MPP7: variants seen among roughly 807,000 people sequenced by gnomAD.
MPP7 encodes the protein MAGUK p55 subfamily member 7.
A neutral mutation model predicts 76.5 loss-of-function variants in MPP7; 60 were observed. The ratio of observed to expected loss-of-function variants is 0.78; its 90% CI spans 0.64 to 0.97. The LOEUF (loss-of-function observed/expected upper bound fraction) is 0.97. Ranked by LOEUF, MPP7 falls within the 50% of genes least tolerant of loss-of-function variation. The pLI is 0.00. For synonymous variants in MPP7, 237 were observed against 244.5 expected (o/e 0.97, Z 0.29); for missense variants, 641 against 694.0 (o/e 0.92, Z 0.86).
chr10:28,185,045 T>G (rs1212202915), intron 3 of MPP7, among the ~76,000 whole-genome samples: 1 of 147,912 alleles, frequency 6.8e-6, no homozygotes, highest in Admixed American at 6.8e-5. Context: ...AAATATATCA[T>G]TGGCCAGGTA....
intron 2 of MPP7, among the ~76,000 whole-genome samples, chr10:28,215,813 A>G (rs1838291604): frequency 6.6e-6 from 1 of 152,214 alleles, no homozygotes; most frequent in Non-Finnish European, 1.5e-5. Context: ...AAAGCTTACA[A>G]TGATGCCTTG....
intron 3 of MPP7, among the ~76,000 whole-genome samples, chr10:28,182,736 TTA>T (rs1334863677): frequency 1.3e-5 from 2 of 152,222 alleles, no homozygotes; most frequent in Non-Finnish European, 2.9e-5. Flanking sequence ...TTAGACCTAT[TTA>T]TATCACCATA....
At chr10:28,233,422 C>T (rs1458449746) in intron 2 of MPP7, among the ~76,000 whole-genome samples, 3 of 152,122 alleles carry the variant, frequency 2.0e-5, no homozygotes, top group South Asian at 2.1e-4. Flanking sequence ...AGAAACAACA[C>T]TCCGGCCGGG....
chr10:28,156,163 T>C (rs1836054727), intron 3 of MPP7, among the ~76,000 whole-genome samples: 1 of 152,246 alleles, frequency 6.6e-6, no homozygotes, highest in Non-Finnish European at 1.5e-5. Flanking sequence ...CCCTTACTTA[T>C]GCTTAAGCAA....
chr10:28,059,721 G>A lies in MPP7; in HGVS notation c.1227C>T (p.Ser409=). ...TGTATTCAACACCATCACTCTCCTG[G>A]CTTCTTCTTGCTCTGGTGGTATCTA... The part of the protein sequence containing the change: ...TVPHTTRARR[S]QESDGVEYIF... The change falls in exon 14 of 17, where the codon AGC becomes AGT. Residue 409 remains serine, a synonymous_variant. Coordinates refer to ENST00000683449, the MANE Select transcript of MPP7 (RefSeq NM_001318170.2). 1 of 1,612,720 alleles carries A rather than the reference G, an allele frequency of 6.2e-7. No homozygotes were observed. Among genetic ancestry groups the A allele is most frequent in the Non-Finnish European group, 8.5e-7 (1 of 1,179,104 alleles).
intron 6 of MPP7, among the ~76,000 whole-genome samples, chr10:28,126,644 T>C (rs1178188126): frequency 6.6e-6 from 1 of 152,254 alleles, no homozygotes; most frequent in African/African-American, 2.4e-5. Flanking sequence ...ATTCTGTCTA[T>C]GAGTTCATTA....
chr10:28,080,489 C>T (rs919025017), intron 12 of MPP7, among the ~76,000 whole-genome samples: 1 of 152,116 alleles, frequency 6.6e-6, no homozygotes, highest in African/African-American at 2.4e-5. Context: ...AGACTTATCG[C>T]CTTCTAACAA....
intron 1 of MPP7, among the ~76,000 whole-genome samples, chr10:28,302,500 C>T (rs1420493315): frequency 6.6e-6 from 1 of 152,216 alleles, no homozygotes; most frequent in Non-Finnish European, 1.5e-5. Context: ...GGTTCTTTTC[C>T]CCGGGGAGCC....
At chr10:28,118,576 G>A (rs1167058669) in intron 11 of MPP7, 10 of 985,352 alleles carry the variant, frequency 1.0e-5, no homozygotes, top group Non-Finnish European at 1.2e-5. Flanking sequence ...AAGTCATCAC[G>A]CTTAAGAACA....
chr10:28,164,701 T>C (rs1836386111), intron 3 of MPP7, among the ~76,000 whole-genome samples: 1 of 152,024 alleles, frequency 6.6e-6, no homozygotes, highest in Admixed American at 6.5e-5. Context: ...CTATCATTAG[T>C]GTTAGTGTTT....
chr10:28,124,990 G>T lies in MPP7; in HGVS notation c.529+20C>A. On this transcript the variant is annotated intron_variant, in intron 7 of 16. Transcript: ENST00000683449. Reference sequence around the variant, plus strand: ...GAAACACGTGATTAGTCTGTACTTGGTTAACATTTAAAGTCTCACCACTTC... The same window carrying T: ...GAAACACGTGATTAGTCTGTACTTGTTTAACATTTAAAGTCTCACCACTTC... 1.9e-6 allele frequency: 3 copies of T among 1,604,998 alleles called. No homozygotes were observed. Among genetic ancestry groups the T allele is most frequent in the African/African-American group, 1.3e-5 (1 of 74,828 alleles).
At chr10:28,330,213 A>G (rs1334688751) in intron 1 of MPP7, among the ~76,000 whole-genome samples, 1 of 152,220 alleles carries the variant, frequency 6.6e-6, no homozygotes, top group African/African-American at 2.4e-5. Context: ...TAGTTTTTGA[A>G]AATGATTTGA....
intron 11 of MPP7, among the ~76,000 whole-genome samples, chr10:28,090,164 G>A (rs191759720): frequency 5.9e-5 from 9 of 152,152 alleles, no homozygotes; most frequent in East Asian, 5.8e-4. Context: ...GTCTTGCTAC[G>A]TTGCCCAGGC....
intron 12 of MPP7, among the ~76,000 whole-genome samples, chr10:28,083,800 A>T (rs1261703773): frequency 6.6e-6 from 1 of 152,088 alleles, no homozygotes; most frequent in African/African-American, 2.4e-5. Context: ...GGCCTCCCAG[A>T]GTGCTGGGAT....
chr10:28,153,808 T>G (rs1296921151), intron 3 of MPP7, among the ~76,000 whole-genome samples: 1 of 152,210 alleles, frequency 6.6e-6, no homozygotes, highest in Non-Finnish European at 1.5e-5. Context: ...TCATCTGCAT[T>G]ACATTACATT....
intron 2 of MPP7, among the ~76,000 whole-genome samples, chr10:28,210,566 T>C (rs573700267): frequency 6.6e-6 from 1 of 152,028 alleles, no homozygotes; most frequent in East Asian, 1.9e-4. Context: ...CATGGAAAAA[T>C]GATAGAAAGT....
At chr10:28,245,838 T>C (rs1839415938) in intron 1 of MPP7, among the ~76,000 whole-genome samples, 2 of 147,786 alleles carry the variant, frequency 1.4e-5, no homozygotes, top group Admixed American at 1.4e-4. Flanking sequence ...ACAAATACAA[T>C]AATGGAATTG....
upstream of MPP7, chr10:28,307,465 C>A (rs553947651): frequency 5.3e-5 from 8 of 152,156 alleles, no homozygotes; most frequent in African/African-American, 1.7e-4. Flanking sequence ...GCTCTGGGCT[C>A]AGATGAGACC....
chr10:28,173,504 A>G (rs372290422), intron 3 of MPP7, among the ~76,000 whole-genome samples: 147 of 152,322 alleles, frequency 9.7e-4, no homozygotes, highest in Non-Finnish European at 1.8e-3. Context: ...AGGCATTTCT[A>G]TGTATCAGCT....
Sources: allele counts gnomAD v4.1 joint callset (sites outside exome capture counted in the v4.1 genomes callset), GRCh38; gene constraint gnomAD v4.1.1; transcripts MANE v1.5; gene names NCBI Gene and HGNC (gene_info 2026-07-23, HGNC 2026-07-21).